The following KCNN2 variants were observed in gnomAD, a reference collection of about 807,000 sequenced individuals.
The protein encoded by KCNN2 is small conductance calcium-activated potassium channel protein 2.
Under a neutral mutation model 55.5 loss-of-function variants are expected in KCNN2, and 24 were observed. That is an observed-to-expected ratio of 0.43 (90% CI 0.31 to 0.61). The LOEUF is 0.61. Among genes scored for constraint, KCNN2 ranks in the 20% least tolerant of loss-of-function variants. KCNN2 has a pLI of 0.08. For missense variants in KCNN2, 754 were observed against 853.6 expected, an observed-to-expected ratio of 0.88 and a Z score of 1.45; for synonymous variants, 431 against 336.1, an observed-to-expected ratio of 1.28 and a Z score of -3.09.
At chr5:114,241,800 A>AG (rs1754643390) in intron 2 of KCNN2, among the ~76,000 whole-genome samples, 1 of 30,664 alleles carries the variant, frequency 3.3e-5, no homozygotes, top group East Asian at 1.8e-3. Flanking sequence ...ATATGTATAT[A>AG]TATACGTATA....
chr5:114,223,122 A>G (rs1754176309), intron 2 of KCNN2, among the ~76,000 whole-genome samples: 1 of 152,208 alleles, frequency 6.6e-6, no homozygotes, highest in African/African-American at 2.4e-5. Context: ...AAGAAGATAT[A>G]TAATTTAGGT....
At chr5:114,108,336 G>C (rs1272460354) in intron 1 of KCNN2, among the ~76,000 whole-genome samples, 1 of 151,954 alleles carries the variant, frequency 6.6e-6, no homozygotes, top group Non-Finnish European at 1.5e-5. Context: ...TTTATCTAAA[G>C]AGTTGAATTT....
intron 1 of KCNN2, among the ~76,000 whole-genome samples, chr5:114,106,077 A>C: frequency 6.6e-6 from 1 of 151,908 alleles, no homozygotes; most frequent in East Asian, 1.9e-4. Flanking sequence ...ACTAATGAAA[A>C]ATTTTAAATA....
intron 1 of KCNN2, among the ~76,000 whole-genome samples, chr5:114,103,983 T>C (rs772677450): frequency 3.3e-5 from 5 of 152,152 alleles, no homozygotes; most frequent in Non-Finnish European, 5.9e-5. Flanking sequence ...TTGCTTGGAA[T>C]AGTTTCAGAA....
chr5:114,322,666 C>T (rs1314947979), intron 2 of KCNN2, among the ~76,000 whole-genome samples: 1 of 151,922 alleles, frequency 6.6e-6, no homozygotes, highest in African/African-American at 2.4e-5. Flanking sequence ...TGCAGCTAAG[C>T]ATGTGAAAGG....
chr5:114,111,428 C>T (rs761984248), intron 1 of KCNN2, among the ~76,000 whole-genome samples: 16 of 152,150 alleles, frequency 1.1e-4, no homozygotes, highest in South Asian at 6.2e-4. Context: ...TGGGCAAAGA[C>T]TTCATGACTA....
chr5:114,116,669 A>C (rs1392777834), intron 1 of KCNN2, among the ~76,000 whole-genome samples: 2 of 152,196 alleles, frequency 1.3e-5, no homozygotes, highest in Non-Finnish European at 2.9e-5. Context: ...TTTGAAGGGT[A>C]AAACAATATT....
chr5:114,363,635 G>C (rs1293007852), intron 1 of KCNN2, among the ~76,000 whole-genome samples: 1 of 152,190 alleles, frequency 6.6e-6, no homozygotes, highest in Non-Finnish European at 1.5e-5. Flanking sequence ...TTGCTAGCCT[G>C]GAACAGCGGC....
chr5:114,100,673 A>G (rs1009349594), intron 1 of KCNN2, among the ~76,000 whole-genome samples: 1 of 152,070 alleles, frequency 6.6e-6, no homozygotes, highest in African/African-American at 2.4e-5. Context: ...AGATCCCTGG[A>G]GCCCAGACTT....
intron 2 of KCNN2, chr5:114,253,784 C>A (rs991562540): frequency 1.1e-4 from 16 of 152,268 alleles, no homozygotes; most frequent in Middle Eastern, 3.4e-3. Flanking sequence ...TCCATTTCTA[C>A]CTTTTTTACA....
chr5:114,275,702 C>A (rs7379226), intron 2 of KCNN2, among the ~76,000 whole-genome samples: 29,149 of 151,772 alleles, frequency 0.19, 2,932 homozygotes, highest in South Asian at 0.24. Context: ...TTTTTTATTG[C>A]ATTTATTTGA....
rs1028714243 is a variant in KCNN2, at chr5:114,496,009, G to A, written c.2203G>A (p.Ala735Thr). Reference protein sequence around the residue: ...KLETLIGSIHALPGLISQTIR... With the variant: ...KLETLIGSIHTLPGLISQTIR... ...AGAGACTTTGATTGGTAGCATCCAC[G>A]CCCTCCCTGGGCTCATAAGCCAGAC... Residue 735 changes from alanine to threonine, a missense_variant, in exon 8 of 8, where the codon GCC (alanine) becomes ACC (threonine). Physicochemically the swap from Ala to Thr is moderately conservative, Grantham distance 58. Coordinates refer to ENST00000673685, the MANE Select transcript of KCNN2 (RefSeq NM_021614.4). 37 of 1,613,844 alleles carry A rather than the reference G, an allele frequency of 2.3e-5. No homozygotes were observed. The highest frequency in any genetic ancestry group is 1.6e-4 in the Middle Eastern group (1 of 6,082).
intron 2 of KCNN2, among the ~76,000 whole-genome samples, chr5:114,260,777 A>G (rs556902291): frequency 6.6e-6 from 1 of 152,274 alleles, no homozygotes; most frequent in Admixed American, 6.5e-5. Flanking sequence ...AAGTCTTCCC[A>G]TATAGCTAGG....
intron 1 of KCNN2, among the ~76,000 whole-genome samples, chr5:114,213,431 CTTT>C (rs1179684964): frequency 6.7e-6 from 1 of 149,334 alleles, no homozygotes; most frequent in Non-Finnish European, 1.5e-5. Flanking sequence ...TCTTCTTCTT[CTTT>C]TTTTAATTCA....
At chr5:114,440,268 G>T (rs1464131278) in intron 3 of KCNN2, among the ~76,000 whole-genome samples, 1 of 152,172 alleles carries the variant, frequency 6.6e-6, no homozygotes, top group Non-Finnish European at 1.5e-5. Flanking sequence ...GGAATATACT[G>T]CCTATTTCTA....
chr5:114,477,534 C>T (rs17361210), intron 5 of KCNN2, among the ~76,000 whole-genome samples: 4,637 of 152,196 alleles, frequency 0.03, 80 homozygotes, highest in Middle Eastern at 0.037. Flanking sequence ...GTGTCCAGAA[C>T]AAACTAATGA....
chr5:114,391,417 T>C (rs749857881), intron 2 of KCNN2, among the ~76,000 whole-genome samples: 4 of 152,122 alleles, frequency 2.6e-5, no homozygotes, highest in Admixed American at 6.6e-5. Context: ...GAAGTTTACA[T>C]AGATTAAATA....
In KCNN2 at chr5:114,093,501, C is replaced by T. The variant is rs138666674; in HGVS notation, c.-271+37001C>T. On this transcript the variant is annotated intron_variant, in intron 1 of 10. Coordinates refer to the KCNN2 transcript ENST00000512097. ...TTTTAACAGTGCCCCACTCCCAGTACCAATTTACTGTATTACTCCATTTCC... is the reference window on the plus strand; with the variant it reads ...TTTTAACAGTGCCCCACTCCCAGTATCAATTTACTGTATTACTCCATTTCC... Among the ~76,000 whole-genome samples, 426 of 152,296 alleles carry T rather than the reference C, an allele frequency of 2.8e-3. 1 individual carries two copies. Among genetic ancestry groups the T allele is most frequent in the Non-Finnish European group, 4.7e-3 (320 of 68,030 alleles).
At chr5:114,159,641 T>C (rs1025421524) in intron 1 of KCNN2, among the ~76,000 whole-genome samples, 2 of 152,162 alleles carry the variant, frequency 1.3e-5, no homozygotes, top group Admixed American at 6.5e-5. Context: ...CCTGGACTTT[T>C]TTTGGTTGGT....
Sources: gnomAD v4.1 joint callset for allele counts (sites outside exome capture counted in the v4.1 genomes callset) on GRCh38, gnomAD v4.1.1 for gene constraint, MANE v1.5 for transcripts, NCBI Gene and HGNC (gene_info 2026-07-23, HGNC 2026-07-21) for gene names.